The following TENM1 variants were observed in gnomAD, a reference collection of about 807,000 sequenced individuals.
TENM1 encodes teneurin transmembrane protein 1, also known as teneurin-1.
A neutral mutation model predicts 174.8 loss-of-function variants in TENM1; 35 were observed. The observed-to-expected ratio is 0.20, with a 90% CI of 0.15 to 0.27. The LOEUF is 0.27. Among genes scored for constraint, TENM1 ranks in the 10% least tolerant of loss-of-function variants. The pLI, the probability that TENM1 is intolerant of heterozygous loss-of-function variation, is 1.00. For synonymous variants in TENM1, 781 were observed against 798.7 expected, an observed-to-expected ratio of 0.98 and a Z score of 0.37; for missense variants, 1,633 against 2,130.1, an observed-to-expected ratio of 0.77 and a Z score of 4.59.
At chrX:124,402,818 T>C (rs2060414967) in intron 27 of TENM1, among the ~76,000 whole-genome samples, 1 of 111,292 alleles carries the variant, frequency 9.0e-6, no homozygotes, top group Non-Finnish European at 1.9e-5. Flanking sequence ...AAGCCATATG[T>C]AGATAATTCT....
At chrX:124,734,439 G>A (rs775070316) in intron 4 of TENM1, among the ~76,000 whole-genome samples, 35 of 106,387 alleles carry the variant, frequency 3.3e-4, no homozygotes, top group African/African-American at 1.2e-3. Context: ...GACAGAAGGA[G>A]ACTGTCTCAA....
chrX:124,800,125 T>C (rs187486925), intron 3 of TENM1, among the ~76,000 whole-genome samples: 1 of 111,887 alleles, frequency 8.9e-6, no homozygotes, highest in African/African-American at 3.2e-5. Flanking sequence ...ATAAAATGAG[T>C]TAGGGTGGAG....
At chrX:124,933,560 A>G (rs1368845502) in intron 1 of TENM1, among the ~76,000 whole-genome samples, 1 of 112,466 alleles carries the variant, frequency 8.9e-6, no homozygotes, top group Non-Finnish European at 1.9e-5. Context: ...AGTCCTCGTT[A>G]ATGTTCTACA....
the TENM1 span, among the ~76,000 whole-genome samples, chrX:125,180,267 C>A: frequency 4.6e-5 from 4 of 87,133 alleles, no homozygotes; most frequent in Non-Finnish European, 8.9e-5. Context: ...CGGAGTTTCA[C>A]CATGTTGGCC....
At position 124,751,689 on chromosome X, in the gene TENM1, T is replaced by C. The variant is rs776839464; in HGVS notation, c.536-14492A>G. On this transcript the variant is annotated intron_variant, in intron 3 of 31. Coordinates refer to ENST00000422452, the Ensembl canonical transcript of TENM1. ...CCAGAGTGTGATGTTCCCCTTCCTG[T>C]GTCCATGTGTTCTCATTGTTCAATT... is the stretch of plus-strand genomic sequence containing the variant. Among the ~76,000 whole-genome samples, 400 of 87,712 alleles carry C rather than the reference T, an allele frequency of 4.6e-3. 1 individual carries two copies. Among genetic ancestry groups the C allele is most frequent in the African/African-American group, 0.015 (363 of 24,497 alleles). 76.2% of individuals were successfully genotyped at this position (87,712 alleles called of 115,157 possible).
intron 3 of TENM1, among the ~76,000 whole-genome samples, chrX:124,841,463 G>A (rs986738171): frequency 4.5e-5 from 5 of 110,928 alleles, no homozygotes; most frequent in African/African-American, 1.6e-4. Flanking sequence ...AGGAAAAAGT[G>A]GACAAAACAA....
At chrX:124,781,931 G>A (rs1032818449) in intron 3 of TENM1, among the ~76,000 whole-genome samples, 4 of 111,671 alleles carry the variant, frequency 3.6e-5, no homozygotes, top group African/African-American at 9.8e-5. Context: ...GAAGAAGTTA[G>A]ACCTCATTTC....
intron 3 of TENM1, among the ~76,000 whole-genome samples, chrX:124,820,292 T>C (rs2056010057): frequency 9.0e-6 from 1 of 111,462 alleles, no homozygotes; most frequent in South Asian, 3.8e-4. Flanking sequence ...TACAGTTTTA[T>C]CTTACCTAAA....
chrX:124,378,559 A>C (rs1280973590), exon 32 of TENM1: 1 of 112,150 alleles, frequency 8.9e-6, no homozygotes, highest in Non-Finnish European at 1.9e-5. Context: ...ACCCAATAAT[A>C]TGATTTTAGT....
intron 5 of TENM1, among the ~76,000 whole-genome samples, chrX:124,672,494 G>C (rs1041279188): frequency 3.6e-5 from 4 of 111,466 alleles, no homozygotes; most frequent in African/African-American, 9.8e-5. Flanking sequence ...CCTGATGAGA[G>C]TATAAAAATA....
At chrX:124,856,071 T>TATC (rs1328776250) in intron 3 of TENM1, among the ~76,000 whole-genome samples, 1 of 110,668 alleles carries the variant, frequency 9.0e-6, no homozygotes, top group African/African-American at 3.3e-5. Context: ...CATGTAATAT[T>TATC]ATCATATTGT....
intron 24 of TENM1, among the ~76,000 whole-genome samples, chrX:124,421,681 G>C (rs989986359): frequency 1.9e-5 from 2 of 107,824 alleles, no homozygotes; most frequent in Non-Finnish European, 3.8e-5. Context: ...GAAAGTCTTA[G>C]CTTTTTAAAA....
the TENM1 span, among the ~76,000 whole-genome samples, chrX:125,084,855 C>T: frequency 9.0e-6 from 1 of 111,334 alleles, no homozygotes. Flanking sequence ...GGTGAACAAC[C>T]AGGAGAGACT....
intron 23 of TENM1, among the ~76,000 whole-genome samples, chrX:124,439,238 C>T (rs990781505): frequency 8.9e-6 from 1 of 111,883 alleles, no homozygotes; most frequent in Non-Finnish European, 1.9e-5. Flanking sequence ...TTCTTATGTA[C>T]TCTAATATTT....
At chrX:125,018,439 T>C in the TENM1 span, among the ~76,000 whole-genome samples, 1 of 111,691 alleles carries the variant, frequency 9.0e-6, no homozygotes, top group Non-Finnish European at 1.9e-5. Flanking sequence ...ATGTTTATTT[T>C]GGAAGCATTT....
the TENM1 span, among the ~76,000 whole-genome samples, chrX:125,086,248 C>T: frequency 9.0e-6 from 1 of 110,669 alleles, no homozygotes; most frequent in African/African-American, 3.3e-5. Flanking sequence ...TTATCTTATT[C>T]ATGTTTTAAA....
the TENM1 span, among the ~76,000 whole-genome samples, chrX:125,113,545 C>T: frequency 9.0e-6 from 1 of 111,029 alleles, no homozygotes; most frequent in African/African-American, 3.3e-5. Flanking sequence ...CACACATAGG[C>T]TCAAAATAAA....
intron 3 of TENM1, among the ~76,000 whole-genome samples, chrX:124,846,494 ATTTTG>A (rs1445410275): frequency 2.7e-5 from 3 of 110,762 alleles, no homozygotes; most frequent in Admixed American, 9.6e-5. Flanking sequence ...TTCCTTTTTT[ATTTTG>A]TTTTGTTTTA....
chrX:124,963,580 A>T, exon 1 of TENM1: 1 of 1,211,726 alleles, frequency 8.3e-7, no homozygotes, highest in Non-Finnish European at 1.1e-6. Flanking sequence ...TACTCTGGCT[A>T]TTGTAATTCA....
Sources: gnomAD v4.1 joint callset for allele counts (sites outside exome capture counted in the v4.1 genomes callset) on GRCh38, gnomAD v4.1.1 for gene constraint, MANE v1.5 for transcripts, NCBI Gene and HGNC (gene_info 2026-07-23, HGNC 2026-07-21) for gene names.